PRKAA1: variants seen among roughly 807,000 people sequenced by gnomAD.
The protein encoded by PRKAA1 is 5'-AMP-activated protein kinase catalytic subunit alpha-1.
A neutral mutation model predicts 56.9 loss-of-function variants in PRKAA1; 23 were observed. The observed-to-expected ratio is 0.40, with a 90% CI of 0.29 to 0.57. The LOEUF (loss-of-function observed/expected upper bound fraction) is 0.57. PRKAA1 is among the 20% of genes least tolerant of loss of function. PRKAA1 has a pLI of 0.39. For synonymous variants in PRKAA1, 226 were observed against 227.0 expected (o/e 1.00, Z 0.04); for missense variants, 413 against 679.7 (o/e 0.61, Z 4.36).
chr5:40,768,362 A>G, intron 5 of PRKAA1: 1 of 836,620 alleles, frequency 1.2e-6, no homozygotes, highest in Non-Finnish European at 1.4e-6. Flanking sequence ...ATTAAATTTC[A>G]GTAATAGCCC....
chr5:40,791,054 C>G (rs1462978042), intron 1 of PRKAA1, among the ~76,000 whole-genome samples: 2 of 152,198 alleles, frequency 1.3e-5, no homozygotes, highest in Non-Finnish European at 2.9e-5. Flanking sequence ...TCCACTCTCC[C>G]CACCATCACT....
chr5:40,793,056 G>A (rs249430), intron 1 of PRKAA1, among the ~76,000 whole-genome samples: 112,329 of 148,578 alleles, frequency 0.76, 42,360 homozygotes, highest in East Asian at 0.87. Context: ...GACAAGAGTG[G>A]AACTCCATCT....
intron 1 of PRKAA1, among the ~76,000 whole-genome samples, chr5:40,787,467 AAATAAT>A (rs150503090): frequency 0.31 from 46,508 of 149,932 alleles, 7,400 homozygotes; most frequent in East Asian, 0.55. Context: ...CTCCATCTCA[AAATAAT>A]AATAATAATA....
At chr5:40,767,898 A>G (rs1306109268) in intron 5 of PRKAA1, among the ~76,000 whole-genome samples, 1 of 152,256 alleles carries the variant, frequency 6.6e-6, no homozygotes, top group Non-Finnish European at 1.5e-5. Flanking sequence ...CATGGCTAAA[A>G]TTCTGTTCTA....
intron 1 of PRKAA1, among the ~76,000 whole-genome samples, chr5:40,781,822 AGAAG>A (rs1311704074): frequency 6.6e-6 from 1 of 152,200 alleles, no homozygotes; most frequent in Non-Finnish European, 1.5e-5. Context: ...TATAAGAGAA[AGAAG>A]GAAGGCAACC....
chr5:40,768,365 A>G (rs1394229105), intron 5 of PRKAA1: 1 of 844,244 alleles, frequency 1.2e-6, no homozygotes, highest in African/African-American at 1.8e-5. Context: ...AAATTTCAGT[A>G]ATAGCCCATT....
At chr5:40,776,361 TAA>T (rs1744005055) in intron 2 of PRKAA1, among the ~76,000 whole-genome samples, 1 of 152,200 alleles carries the variant, frequency 6.6e-6, no homozygotes, top group African/African-American at 2.4e-5. Flanking sequence ...GGGAGAGTAA[TAA>T]AGAGTTCATT....
At chr5:40,797,333 G>T (rs900055172) in intron 1 of PRKAA1, among the ~76,000 whole-genome samples, 3 of 152,196 alleles carry the variant, frequency 2.0e-5, no homozygotes, top group African/African-American at 7.2e-5. Flanking sequence ...ACTATCTGGA[G>T]GCAACATCTG....
intron 1 of PRKAA1, among the ~76,000 whole-genome samples, chr5:40,788,381 A>C (rs1744582150): frequency 6.6e-6 from 1 of 152,168 alleles, no homozygotes; most frequent in Non-Finnish European, 1.5e-5. Context: ...AAATGGATTA[A>C]ATTTAGGACC....
chr5:40,767,767 A>C, intron 5 of PRKAA1, 77 bp from the exon 6 acceptor site: 1 of 1,216,548 alleles, frequency 8.2e-7, no homozygotes, highest in Non-Finnish European at 1.2e-6. Context: ...TCAAATATGG[A>C]TATTTCATAA....
intron 3 of PRKAA1, 35 bp downstream of exon 3, chr5:40,775,375 C>T: frequency 6.6e-7 from 1 of 1,516,978 alleles, no homozygotes; most frequent in Non-Finnish European, 9.2e-7. Context: ...AGGGGAGTTA[C>T]AAAATACATA....
At chr5:40,775,542 A>T in intron 2 of PRKAA1, 39 bp from the exon 3 acceptor site, 1 of 1,392,794 alleles carries the variant, frequency 7.2e-7, no homozygotes, top group Non-Finnish European at 1.0e-6. Flanking sequence ...ATTAAAACAC[A>T]TATATTCATT....
chr5:40,780,292 C>T (rs1744213589), intron 1 of PRKAA1, among the ~76,000 whole-genome samples: 2 of 152,124 alleles, frequency 1.3e-5, no homozygotes, highest in Admixed American at 1.3e-4. Context: ...CTTAATTTAT[C>T]ACAGCCTTTT....
chr5:40,792,861 G>A (rs923248746), intron 1 of PRKAA1, among the ~76,000 whole-genome samples: 1 of 151,808 alleles, frequency 6.6e-6, no homozygotes, highest in South Asian at 2.1e-4. Context: ...TCAGGAGTTC[G>A]AGACTAACCT....
intron 1 of PRKAA1, 37 bp downstream of exon 1, chr5:40,798,024 CCT>C (rs767820320): frequency 1.6e-5 from 26 of 1,598,602 alleles, no homozygotes; most frequent in Non-Finnish European, 2.0e-5. Flanking sequence ...TCGTGCGGCT[CCT>C]CAGCTGGGGC....
At chr5:40,796,470 G>A (rs1477249549) in intron 1 of PRKAA1, among the ~76,000 whole-genome samples, 2 of 151,826 alleles carry the variant, frequency 1.3e-5, no homozygotes, top group African/African-American at 4.8e-5. Flanking sequence ...ACAAACACTT[G>A]TAAACTAAAA....
intron 4 of PRKAA1, among the ~76,000 whole-genome samples, chr5:40,770,960 T>G (rs1308974827): frequency 3.3e-5 from 5 of 152,046 alleles, no homozygotes; most frequent in Admixed American, 3.3e-4. Flanking sequence ...TTTAAAACAT[T>G]TTTAAATTTT....
chr5:40,785,809 CAAG>C (rs1744443558), intron 1 of PRKAA1, among the ~76,000 whole-genome samples: 1 of 148,500 alleles, frequency 6.7e-6, no homozygotes, highest in African/African-American at 2.5e-5. Flanking sequence ...GGTATCCTTA[CAAG>C]AAGAGGAGAG....
chr5:40,796,708 A>G (rs1331100865), intron 1 of PRKAA1, among the ~76,000 whole-genome samples: 2 of 152,232 alleles, frequency 1.3e-5, no homozygotes. Flanking sequence ...TTCCAATTCT[A>G]TGACTCAGAA....
Sources: allele counts gnomAD v4.1 joint callset (sites outside exome capture counted in the v4.1 genomes callset), GRCh38; gene constraint gnomAD v4.1.1; transcripts MANE v1.5; gene names NCBI Gene and HGNC (gene_info 2026-07-23, HGNC 2026-07-21).